Variants in COX7B2 observed in about 807,000 individuals in gnomAD.
The protein encoded by COX7B2 is cytochrome c oxidase subunit 7B2.
For missense variants in COX7B2, 109 were observed against 95.9 expected (o/e 1.14, Z -0.57); for synonymous variants, 37 against 32.1 (o/e 1.15, Z -0.51).
intron 2 of COX7B2, among the ~76,000 whole-genome samples, chr4:46,832,773 C>G (rs1715237446): frequency 6.6e-6 from 1 of 152,172 alleles, no homozygotes; most frequent in Admixed American, 6.5e-5. Context: ...CCCACTCTCT[C>G]TCACTCCTGC....
intron 1 of COX7B2, among the ~76,000 whole-genome samples, chr4:46,885,740 T>G (rs1051856338): frequency 1.3e-5 from 2 of 152,184 alleles, no homozygotes; most frequent in African/African-American, 4.8e-5. Context: ...CATTTAATTC[T>G]TTCAGTTATC....
At chr4:46,850,206 TA>T (rs578058069) in intron 1 of COX7B2, among the ~76,000 whole-genome samples, 1 of 149,032 alleles carries the variant, frequency 6.7e-6, no homozygotes, top group African/African-American at 2.6e-5. Context: ...TTAAATAATT[TA>T]AATGATTTAA....
chr4:46,885,749 T>A (rs1719049098), intron 1 of COX7B2, among the ~76,000 whole-genome samples: 1 of 152,172 alleles, frequency 6.6e-6, no homozygotes, highest in African/African-American at 2.4e-5. Context: ...CTTTCAGTTA[T>A]CTTAACATAT....
At chr4:46,885,282 G>T (rs1315352310) in intron 1 of COX7B2, among the ~76,000 whole-genome samples, 1 of 151,942 alleles carries the variant, frequency 6.6e-6, no homozygotes, top group Non-Finnish European at 1.5e-5. Flanking sequence ...TTTTAGCAGG[G>T]AAAATAAAAC....
chr4:46,745,560 G>A (rs181437841), intron 2 of COX7B2, among the ~76,000 whole-genome samples: 141 of 151,948 alleles, frequency 9.3e-4, no homozygotes, highest in Non-Finnish European at 1.8e-3. Context: ...TTCCCCCTTG[G>A]ATTCATTATT....
chr4:46,898,882 T>C (rs1719921746), intron 1 of COX7B2, among the ~76,000 whole-genome samples: 1 of 152,204 alleles, frequency 6.6e-6, no homozygotes, highest in South Asian at 2.1e-4. Context: ...TAAAATTAGA[T>C]TATCAAATTC....
At chr4:46,846,796 C>T (rs903463652) in intron 1 of COX7B2, among the ~76,000 whole-genome samples, 4 of 151,812 alleles carry the variant, frequency 2.6e-5, no homozygotes, top group African/African-American at 7.3e-5. Context: ...TGAAAATAGA[C>T]GGGACAGGAT....
At chr4:46,766,421 C>T (rs914507441) in intron 2 of COX7B2, among the ~76,000 whole-genome samples, 3 of 151,836 alleles carry the variant, frequency 2.0e-5, no homozygotes, top group African/African-American at 7.3e-5. Flanking sequence ...GGGAAGCAGC[C>T]GGGCATGGTG....
chr4:46,900,087 C>A (rs1393297828), intron 1 of COX7B2, among the ~76,000 whole-genome samples: 1 of 152,166 alleles, frequency 6.6e-6, no homozygotes, highest in African/African-American at 2.4e-5. Context: ...ATGGAGCTAA[C>A]TGTTCTGATC....
At position 46,880,486 on chromosome 4, in the gene COX7B2, T is replaced by C. The variant is rs146045996; in HGVS notation, c.-105+28674A>G. Among the ~76,000 whole-genome samples the C allele has an allele frequency of 6.4e-3, 944 of 147,272 alleles. 13 individuals carry two copies. The highest frequency in any genetic ancestry group is 0.022 in the African/African-American group (885 of 40,154). On this transcript the variant is annotated intron_variant, in intron 1 of 2. Transcript: ENST00000355591. ...AATTTCAGAGCTCATTATTGGCCTA[T>C]GCAGGAAGACAATTTATTCATGGCT...
At chr4:46,897,875 C>T (rs1719853493) in intron 1 of COX7B2, among the ~76,000 whole-genome samples, 1 of 152,198 alleles carries the variant, frequency 6.6e-6, no homozygotes, top group Non-Finnish European at 1.5e-5. Flanking sequence ...TCTTACCTCA[C>T]ATTAAATCTG....
intron 2 of COX7B2, among the ~76,000 whole-genome samples, chr4:46,793,853 C>G (rs1718176193): frequency 6.6e-6 from 1 of 152,328 alleles, no homozygotes; most frequent in East Asian, 1.9e-4. Flanking sequence ...CCTGATGAAG[C>G]TGGTTACATT....
intron 2 of COX7B2, among the ~76,000 whole-genome samples, chr4:46,824,506 GTGA>G (rs1384452494): frequency 6.6e-5 from 10 of 152,050 alleles, no homozygotes; most frequent in Admixed American, 1.3e-4. Context: ...GCTGCCGTAT[GTGA>G]TTACAGTTAA....
intron 2 of COX7B2, among the ~76,000 whole-genome samples, chr4:46,765,818 GC>G (rs1334027230): frequency 6.6e-6 from 1 of 151,720 alleles, no homozygotes; most frequent in African/African-American, 2.4e-5. Context: ...TTAGCATCAG[GC>G]CAGCCCATAT....
At chr4:46,905,772 T>C (rs945061009) in intron 1 of COX7B2, among the ~76,000 whole-genome samples, 2 of 149,584 alleles carry the variant, frequency 1.3e-5, no homozygotes, top group Non-Finnish European at 3.0e-5. Flanking sequence ...GTGGACTCTA[T>C]CTTACAAAAC....
chr4:46,864,192 T>A (rs1164586538), intron 1 of COX7B2, among the ~76,000 whole-genome samples: 1 of 152,162 alleles, frequency 6.6e-6, no homozygotes. Flanking sequence ...AGGGCCCCTA[T>A]CAGGTGTTGT....
intron 2 of COX7B2, among the ~76,000 whole-genome samples, chr4:46,777,884 T>C (rs1717245114): frequency 6.6e-6 from 1 of 152,180 alleles, no homozygotes; most frequent in Non-Finnish European, 1.5e-5. Context: ...GTTAAACAGA[T>C]GGACCAAATA....
At chr4:46,753,743 G>T (rs112144426) in intron 2 of COX7B2, among the ~76,000 whole-genome samples, 2 of 151,176 alleles carry the variant, frequency 1.3e-5, no homozygotes, top group Non-Finnish European at 3.0e-5. Context: ...AGCTTCTGCA[G>T]AGCAAAAGAA....
intron 2 of COX7B2, among the ~76,000 whole-genome samples, chr4:46,841,352 T>C (rs1018208616): frequency 3.3e-5 from 5 of 151,012 alleles, no homozygotes; most frequent in Non-Finnish European, 5.9e-5. Context: ...TGTGTGTGTG[T>C]GTGTGTGTGT....
Sources: gnomAD v4.1 joint callset for allele counts (sites outside exome capture counted in the v4.1 genomes callset) on GRCh38, gnomAD v4.1.1 for gene constraint, MANE v1.5 for transcripts, NCBI Gene and HGNC (gene_info 2026-07-23, HGNC 2026-07-21) for gene names.